IRS1: variants seen among roughly 807,000 people sequenced by gnomAD.
IRS1 encodes the protein insulin receptor substrate 1.
Under a neutral mutation model 65.6 loss-of-function variants are expected in IRS1, and 34 were observed. The ratio of observed to expected loss-of-function variants is 0.52; its 90% CI spans 0.39 to 0.69. The LOEUF is 0.69. Ranked by LOEUF, IRS1 falls within the 30% of genes least tolerant of loss-of-function variation. The pLI is 0.00. For synonymous variants in IRS1, 699 were observed against 683.5 expected (o/e 1.02, Z -0.35); for missense variants, 1,641 against 1,720.2 (o/e 0.95, Z 0.81).
chr2:226,749,922 T>G (rs2106161965), intron 1 of IRS1, among the ~76,000 whole-genome samples: 1 of 152,052 alleles, frequency 6.6e-6, no homozygotes, highest in South Asian at 2.1e-4. Context: ...ATTATGAGGG[T>G]TTCCTTGATT....
chr2:226,783,166 T>A (rs1264491146), intron 1 of IRS1, among the ~76,000 whole-genome samples: 2 of 152,200 alleles, frequency 1.3e-5, no homozygotes, highest in Admixed American at 1.3e-4. Context: ...GGGGTGAGCT[T>A]TCAGCCTTCA....
intron 1 of IRS1, among the ~76,000 whole-genome samples, chr2:226,747,335 G>A (rs1054195047): frequency 3.9e-5 from 6 of 152,096 alleles, no homozygotes; most frequent in East Asian, 1.9e-4. Context: ...AGGAGGTGGT[G>A]CCTTTGGTAG....
chr2:226,777,145 A>C (rs1379057803), intron 1 of IRS1, among the ~76,000 whole-genome samples: 1 of 152,182 alleles, frequency 6.6e-6, no homozygotes, highest in Admixed American at 6.5e-5. Flanking sequence ...ACTCTGAATA[A>C]AGTATGGACT....
intron 1 of IRS1, among the ~76,000 whole-genome samples, chr2:226,753,841 CTGAT>C (rs113302205): frequency 0.089 from 13,461 of 151,758 alleles, 1,116 homozygotes; most frequent in African/African-American, 0.22. Flanking sequence ...AAACTCAGCA[CTGAT>C]TGATTGATTG....
chr2:226,780,603 A>G (rs1939361446), intron 1 of IRS1, among the ~76,000 whole-genome samples: 1 of 152,172 alleles, frequency 6.6e-6, no homozygotes, highest in Non-Finnish European at 1.5e-5. Flanking sequence ...TGGAAGCACA[A>G]AAATAAATCT....
intron 1 of IRS1, among the ~76,000 whole-genome samples, chr2:226,765,977 C>G (rs1465105875): frequency 6.7e-6 from 1 of 149,978 alleles, no homozygotes; most frequent in East Asian, 2.0e-4. Flanking sequence ...AAAGTTTGAT[C>G]AAGTGTTCAT....
intron 1 of IRS1, among the ~76,000 whole-genome samples, chr2:226,751,134 G>A: frequency 6.6e-6 from 1 of 152,160 alleles, no homozygotes; most frequent in East Asian, 1.9e-4. Flanking sequence ...AGGTGGGTAA[G>A]GTTCTAGAAG....
At chr2:226,763,172 G>T (rs1938953068) in intron 1 of IRS1, among the ~76,000 whole-genome samples, 2 of 152,162 alleles carry the variant, frequency 1.3e-5, no homozygotes, top group Admixed American at 1.3e-4. Context: ...TGAAGAAAAT[G>T]CATTGCTGAA....
intron 1 of IRS1, among the ~76,000 whole-genome samples, chr2:226,787,300 T>C (rs1053938640): frequency 2.0e-5 from 3 of 152,180 alleles, no homozygotes; most frequent in East Asian, 3.8e-4. Context: ...GCTGATGGTA[T>C]TGTCAGACAG....
In IRS1 at chr2:226,795,962, TG is replaced by T; in HGVS notation, c.2776del (p.Gln926SerfsTer17). On this transcript the variant is annotated frameshift_variant, in exon 1 of 2. Transcript: ENST00000305123. LOFTEE classifies it high-confidence loss of function. ...HSSPSVRCPS[Q>X]LQPAPREEET... ...TTCCTCTCTGGGAGCTGGCTGGAGC[TG>T]GGATGGACACCTGACAGAAGGTGAG... 1 of 1,614,070 alleles carries T rather than the reference TG, an allele frequency of 6.2e-7. No homozygotes were observed. The highest frequency in any genetic ancestry group is 8.5e-7 in the Non-Finnish European group (1 of 1,180,030).
Position 226,751,840 on chromosome 2 carries a change from C to T in IRS1, c.*22-15590G>A, listed in dbSNP as rs563977362. On this transcript the variant is annotated intron_variant, in intron 1 of 1. Coordinates refer to ENST00000305123, the MANE Select transcript of IRS1 (RefSeq NM_005544.3). ...ATTCCCCAAACTCAGTGAAATACAT[C>T]GCCCTGCCCTACAGCCATGTTTTAC... Among the ~76,000 whole-genome samples, 18 of 152,238 alleles carry T rather than the reference C, an allele frequency of 1.2e-4. No individual in the cohort carries two copies. In the South Asian group the frequency reaches 3.7e-3, roughly 32 times the overall value.
At chr2:226,750,237 G>A (rs902470856) in intron 1 of IRS1, among the ~76,000 whole-genome samples, 35 of 120,730 alleles carry the variant, frequency 2.9e-4, no homozygotes, top group Non-Finnish European at 4.9e-4. Flanking sequence ...CAACAAGAGC[G>A]AAACTCTGTC....
At chr2:226,751,052 A>G (rs1938668117) in intron 1 of IRS1, among the ~76,000 whole-genome samples, 1 of 152,182 alleles carries the variant, frequency 6.6e-6, no homozygotes, top group Admixed American at 6.5e-5. Flanking sequence ...CTACACCACA[A>G]GCCATGTCTG....
chr2:226,739,973 T>C (rs548194754), intron 1 of IRS1, among the ~76,000 whole-genome samples: 2 of 152,374 alleles, frequency 1.3e-5, no homozygotes, highest in African/African-American at 4.8e-5. Flanking sequence ...ACACTTTATA[T>C]ATACACCACT....
rs556659063 is a variant in IRS1 at position 226,797,851 on chromosome 2, C to T, written c.888G>A (p.Gln296=). The T allele has an allele frequency of 3.0e-5, 48 of 1,600,272 alleles. No homozygotes were observed. The South Asian group carries it at 4.7e-4, about 16-fold the overall frequency. The change falls in exon 1 of 2, where the codon CAG becomes CAA. Residue 296 remains glutamine, a synonymous_variant. Transcript: ENST00000305123. This position sits in a 1 kb window ranked among gnomAD's most constrained non-coding sequence, Gnocchi z 8.1. ...TGCGTGATCGGCGGGTCAGCCCCAC[C>T]TGGCTGGGCGGGGGATTGTTGAGAT... The part of the protein sequence containing the change: ...RHHLNNPPPS[Q]VGLTRRSRTE...
At position 226,795,165 on chromosome 2, in the gene IRS1, G is replaced by A. The variant is rs779660430; in HGVS notation, c.3574C>T (p.Pro1192Ser). The change falls in exon 1 of 2, where the codon CCT becomes TCT. Residue 1192 changes from proline (P) to serine (S), a missense_variant. Pro to Ser is a moderately conservative substitution (Grantham distance 74, BLOSUM62 -1). This residue lies in a region of IRS1 where 1,324 missense variants were observed against 1,361.0 expected (regional missense o/e 0.97). Transcript: ENST00000305123. The stretch of plus-strand genomic sequence containing the variant: ...TGCGGTTCAGGGGTGCACTCCTGAG[G>A]GCACTGTTTGAAGTCCTTGACCAAA... ...LDLVKDFKQC[P>S]QECTPEPQPP... 6.2e-6 allele frequency: 10 copies of A among 1,613,720 alleles called. No individual in the cohort carries two copies. Among genetic ancestry groups the A allele is most frequent in the East Asian group, 2.2e-5 (1 of 44,874 alleles).
intron 1 of IRS1, among the ~76,000 whole-genome samples, chr2:226,766,894 G>A (rs1023338495): frequency 3.9e-5 from 6 of 152,252 alleles, no homozygotes; most frequent in African/African-American, 1.4e-4. Context: ...AGAGCCAGCT[G>A]TCGAGAGCAG....
intron 1 of IRS1, among the ~76,000 whole-genome samples, chr2:226,777,314 A>G (rs997054755): frequency 1.3e-5 from 2 of 152,230 alleles, no homozygotes; most frequent in African/African-American, 2.4e-5. Context: ...GAAATAAAAA[A>G]GTGTATTTTA....
intron 1 of IRS1, among the ~76,000 whole-genome samples, chr2:226,778,963 A>G (rs1939329727): frequency 6.6e-6 from 1 of 152,264 alleles, no homozygotes; most frequent in African/African-American, 2.4e-5. Flanking sequence ...TCTCACTCAC[A>G]TGGCCCTCAA....
Sources: gnomAD v4.1 joint callset for allele counts (sites outside exome capture counted in the v4.1 genomes callset) on GRCh38, gnomAD v4.1.1 for gene constraint, gnomAD v4.1.1 regional missense constraint, Gnocchi (gnomAD v3.1) non-coding constraint, MANE v1.5 for transcripts, NCBI Gene and HGNC (gene_info 2026-07-23, HGNC 2026-07-21) for gene names.